The following TXNL4A variants were observed in gnomAD, a reference collection of about 807,000 sequenced individuals.
TXNL4A encodes the protein thioredoxin-like protein 4A.
TXNL4A carries 17 observed loss-of-function variants against 14.6 expected under a neutral mutation model. The ratio of observed to expected loss-of-function variants is 1.16; its 90% CI spans 0.80 to 1.74. TXNL4A has a LOEUF of 1.74. Ranked by LOEUF, TXNL4A falls within the 40% of genes most tolerant of loss-of-function variation. The pLI is 0.00. For missense variants in TXNL4A, 74 were observed against 195.2 expected, an observed-to-expected ratio of 0.38 and a Z score of 3.70; for synonymous variants, 83 against 70.6, an observed-to-expected ratio of 1.18 and a Z score of -0.88.
rs750526661 is a variant in TXNL4A, at chr18:79,973,682, G to A, written c.*3C>T. 5.0e-6 allele frequency: 8 copies of A among 1,608,478 alleles called. No homozygotes were observed. The highest frequency in any genetic ancestry group is 3.4e-5 in the Admixed American group (2 of 58,530). ...ACATTTATCCGCGCAGACTGAGGGC[G>A]CCTCAGTAGCGGTACTTGGTGGAGT... On this transcript the variant is annotated 3_prime_UTR_variant, in exon 3 of 3. Coordinates refer to ENST00000269601, the MANE Select transcript of TXNL4A (RefSeq NM_006701.5).
At position 79,973,850 on chromosome 18, in the gene TXNL4A, C is replaced by T; in HGVS notation, c.264G>A (p.Lys88=). 6.2e-7 allele frequency: 1 copy of T among 1,613,406 alleles called. No individual in the cohort carries two copies. The highest frequency in any genetic ancestry group is 8.5e-7 in the Non-Finnish European group (1 of 1,179,816). The change falls in exon 3 of 3, where the codon AAG becomes AAA. Residue 88 remains lysine, a synonymous_variant. Transcript: ENST00000269601. ...PCTVMFFFRN[K]HIMIDLGTGN... ...CAGTCCCCAAGTCAATCATGATGTG[C>T]TTGTTCCTGCAACGAGAAACAAGGG...
intron 1 of TXNL4A, among the ~76,000 whole-genome samples, chr18:79,987,089 T>C (rs2051562074): frequency 6.6e-6 from 1 of 152,096 alleles, no homozygotes; most frequent in Admixed American, 6.6e-5. Context: ...TGGAAGGTGG[T>C]TCAAGGTCAA....
chr18:80,014,875 T>C (rs762646151), intron 1 of TXNL4A, among the ~76,000 whole-genome samples: 2 of 152,228 alleles, frequency 1.3e-5, no homozygotes, highest in Admixed American at 6.5e-5. Context: ...ATACATCTTC[T>C]GAAATCTAGG....
At chr18:79,977,455 G>A (rs995662911) in intron 2 of TXNL4A, 143 bp downstream of exon 2, 2 of 665,808 alleles carry the variant, frequency 3.0e-6, no homozygotes, top group African/African-American at 1.8e-5. Flanking sequence ...GATTCACACT[G>A]ATTGCCTGGT....
At chr18:80,025,500 G>A (rs2051878629) in intron 1 of TXNL4A, among the ~76,000 whole-genome samples, 1 of 152,230 alleles carries the variant, frequency 6.6e-6, no homozygotes, top group African/African-American at 2.4e-5. Context: ...CCCAATGGCA[G>A]CGTCTCATCT....
At chr18:79,990,783 A>G (rs74424993), upstream of TXNL4A, among the ~76,000 whole-genome samples, 344 of 152,314 alleles carry the variant, frequency 2.3e-3, 9 homozygotes, top group East Asian at 0.052. Flanking sequence ...CATCACCACT[A>G]TCCATCTCCA....
intron 1 of TXNL4A, among the ~76,000 whole-genome samples, chr18:79,978,987 G>A (rs770322893): frequency 1.5e-4 from 23 of 150,864 alleles, no homozygotes; most frequent in Admixed American, 6.0e-4. Context: ...GCCTGGTCTG[G>A]AGTGCAGTTG....
intron 1 of TXNL4A, among the ~76,000 whole-genome samples, chr18:80,033,264 C>CACA (rs2051937081): frequency 1.3e-5 from 2 of 150,284 alleles, no homozygotes; most frequent in African/African-American, 4.9e-5. Flanking sequence ...TACATATGCA[C>CACA]ACATACACAT....
At chr18:80,018,054 C>A (rs895788019) in intron 1 of TXNL4A, among the ~76,000 whole-genome samples, 7 of 152,002 alleles carry the variant, frequency 4.6e-5, no homozygotes, top group African/African-American at 1.5e-4. Flanking sequence ...TGTTATTGGT[C>A]TATTCAGAGA....
intron 1 of TXNL4A, among the ~76,000 whole-genome samples, chr18:79,983,376 A>G (rs2051493560): frequency 6.6e-6 from 1 of 152,196 alleles, no homozygotes; most frequent in Admixed American, 6.5e-5. Context: ...ACACCTCATA[A>G]GCATGCTTTT....
At chr18:80,021,252 C>T (rs1018646828) in intron 1 of TXNL4A, among the ~76,000 whole-genome samples, 3 of 151,988 alleles carry the variant, frequency 2.0e-5, no homozygotes, top group African/African-American at 7.2e-5. Context: ...TCTCAGCTCA[C>T]TGCAAGCTCC....
At chr18:79,985,238 T>C (rs1332362891) in intron 1 of TXNL4A, among the ~76,000 whole-genome samples, 1 of 152,014 alleles carries the variant, frequency 6.6e-6, no homozygotes, top group African/African-American at 2.4e-5. Flanking sequence ...CAAAACTGCA[T>C]AAAATCAGCT....
chr18:80,024,241 G>A (rs1000744853), intron 1 of TXNL4A, among the ~76,000 whole-genome samples: 2 of 152,076 alleles, frequency 1.3e-5, no homozygotes, highest in African/African-American at 2.4e-5. Context: ...TTCCATCATG[G>A]AAGGTGAGTT....
chr18:80,012,571 T>G (rs2051777056), intron 1 of TXNL4A, among the ~76,000 whole-genome samples: 1 of 152,204 alleles, frequency 6.6e-6, no homozygotes, highest in African/African-American at 2.4e-5. Context: ...TCAGCTAGAT[T>G]TAGTCCAGGC....
At position 79,982,098 on chromosome 18, in the gene TXNL4A, G is replaced by A. The variant is rs1346173203; in HGVS notation, c.154-4397C>T. 1.3e-5 allele frequency among the ~76,000 whole-genome samples: 2 copies of A among 152,188 alleles called. No individual in the cohort carries two copies. The highest frequency in any genetic ancestry group is 1.9e-4 in the East Asian group (1 of 5,194). On this transcript the variant is annotated intron_variant, in intron 1 of 2. Coordinates refer to ENST00000269601, the MANE Select transcript of TXNL4A (RefSeq NM_006701.5). This position sits in a 1 kb window ranked among gnomAD's most constrained non-coding sequence, Gnocchi z 4.0. ...AGAATCAGCCTAACCCACAGGAGAC[G>A]GGGCGGCAGTGTGGTCACGGGGTGG...
At chr18:79,983,896 A>C (rs1489564493) in intron 1 of TXNL4A, among the ~76,000 whole-genome samples, 2 of 152,216 alleles carry the variant, frequency 1.3e-5, no homozygotes, top group African/African-American at 4.8e-5. Flanking sequence ...ACGCTCATGC[A>C]GTTATGAAGT....
rs2051885076 is a variant in TXNL4A at position 80,026,460 on chromosome 18, TTCACGTCTCCA to T, written c.-61+7380_-61+7390del. On this transcript the variant is annotated intron_variant, in intron 1 of 2. Transcript: ENST00000585474. ...GGGTGCTCCGAGAAAGTACAGGAGTTTCACGTCTCCAAATATTCTACCCTGACAAAAAAAAC... is the reference window on the plus strand; with the variant it reads ...GGGTGCTCCGAGAAAGTACAGGAGTTAATATTCTACCCTGACAAAAAAAAC... Among the ~76,000 whole-genome samples, 3 of 151,954 alleles carry T rather than the reference TTCACGTCTCCA, an allele frequency of 2.0e-5. No homozygotes were observed. The East Asian group carries it at 5.8e-4, about 29-fold the overall frequency.
intron 1 of TXNL4A, among the ~76,000 whole-genome samples, chr18:80,000,215 T>C (rs1263518080): frequency 6.6e-6 from 1 of 152,114 alleles, no homozygotes; most frequent in Non-Finnish European, 1.5e-5. Flanking sequence ...GACAGGAACA[T>C]GTGGGAAAGT....
At chr18:79,984,090 G>GT (rs1180068790) in intron 1 of TXNL4A, among the ~76,000 whole-genome samples, 1 of 151,654 alleles carries the variant, frequency 6.6e-6, no homozygotes, top group Non-Finnish European at 1.5e-5. Flanking sequence ...CTACAAGGCT[G>GT]TTTTTTTTCC....
Sources: gnomAD v4.1 joint callset for allele counts (sites outside exome capture counted in the v4.1 genomes callset) on GRCh38, gnomAD v4.1.1 for gene constraint, Gnocchi (gnomAD v3.1) non-coding constraint, MANE v1.5 for transcripts, NCBI Gene and HGNC (gene_info 2026-07-23, HGNC 2026-07-21) for gene names.